CENPP: variants seen among roughly 807,000 people sequenced by gnomAD.
CENPP encodes centromere protein P.
In CENPP, 24 loss-of-function variants were observed where a neutral mutation model predicts 35.6. That is an observed-to-expected ratio of 0.67 (90% CI 0.49 to 0.95). The LOEUF (loss-of-function observed/expected upper bound fraction) is 0.95, where lower values mean the gene tolerates loss of function less well. CENPP is among the 40% of genes least tolerant of loss of function. CENPP has a pLI of 0.00. For synonymous variants in CENPP, 120 were observed against 125.5 expected (o/e 0.96, Z 0.29); for missense variants, 332 against 345.3 (o/e 0.96, Z 0.31).
chr9:92,359,976 A>G (rs1378380845), intron 4 of CENPP, among the ~76,000 whole-genome samples: 1 of 152,158 alleles, frequency 6.6e-6, no homozygotes, highest in African/African-American at 2.4e-5. Flanking sequence ...CTTTGCCTGG[A>G]TGTTGCCAGC....
At chr9:92,335,048 T>C (rs1213398682) in intron 2 of CENPP, among the ~76,000 whole-genome samples, 1 of 151,708 alleles carries the variant, frequency 6.6e-6, no homozygotes, top group Non-Finnish European at 1.5e-5. Context: ...TAGCAGGGCG[T>C]GGTGGGGCAT....
At chr9:92,433,234 C>T (rs973944554) in intron 5 of CENPP, among the ~76,000 whole-genome samples, 6 of 152,198 alleles carry the variant, frequency 3.9e-5, no homozygotes, top group African/African-American at 1.4e-4. Flanking sequence ...GATTCCACTC[C>T]TGTAATAACA....
intron 5 of CENPP, chr9:92,470,566 A>C: frequency 1.7e-6 from 1 of 590,912 alleles, no homozygotes; most frequent in Non-Finnish European, 2.7e-6. Flanking sequence ...CATTCTTTAC[A>C]GAAAAGTAAG....
Position 92,472,426 on chromosome 9 carries a change from G to A in CENPP, c.564+92567G>A, listed in dbSNP as rs1355834560. ...TATAATCCCAGCACTTTCGGAGGCCGAGTCGGGTGGATCATGAGGTCAGGA... is the reference window on the plus strand; with the variant it reads ...TATAATCCCAGCACTTTCGGAGGCCAAGTCGGGTGGATCATGAGGTCAGGA... On this transcript the variant is annotated intron_variant, in intron 5 of 7. Coordinates refer to ENST00000375587, the MANE Select transcript of CENPP (RefSeq NM_001012267.3). Among the ~76,000 whole-genome samples, 6 of 151,986 alleles carry A rather than the reference G, an allele frequency of 3.9e-5. No homozygotes were observed. The East Asian group carries it at 9.7e-4, about 25-fold the overall frequency.
At chr9:92,404,698 G>C in intron 5 of CENPP, 1 of 1,232,406 alleles carries the variant, frequency 8.1e-7, no homozygotes, top group South Asian at 1.5e-5. Context: ...GTGAAATGCA[G>C]TGTGTTGTAC....
chr9:92,411,947 T>G (rs1204074640), intron 5 of CENPP, among the ~76,000 whole-genome samples: 1 of 152,214 alleles, frequency 6.6e-6, no homozygotes, highest in Non-Finnish European at 1.5e-5. Context: ...TTTAGCATTT[T>G]ATTTCTTCCT....
chr9:92,531,042 A>G (rs1563989543), intron 5 of CENPP, among the ~76,000 whole-genome samples: 1 of 152,064 alleles, frequency 6.6e-6, no homozygotes, highest in African/African-American at 2.4e-5. Flanking sequence ...TATACTTCCT[A>G]TTAGTGGCAT....
chr9:92,392,702 G>C (rs1425274923), intron 5 of CENPP, among the ~76,000 whole-genome samples: 5 of 152,136 alleles, frequency 3.3e-5, no homozygotes, highest in Non-Finnish European at 7.4e-5. Flanking sequence ...GTTAAAGTAA[G>C]AAAAAGCACT....
At chr9:92,522,104 C>T (rs993818610) in intron 5 of CENPP, among the ~76,000 whole-genome samples, 1 of 151,632 alleles carries the variant, frequency 6.6e-6, no homozygotes, top group African/African-American at 2.4e-5. Flanking sequence ...TTTTTAATCT[C>T]GAGACGGAGT....
chr9:92,452,694 C>G (rs960914049), intron 5 of CENPP, among the ~76,000 whole-genome samples: 19 of 152,136 alleles, frequency 1.2e-4, no homozygotes, highest in African/African-American at 4.3e-4. Flanking sequence ...CTCCTTGTAG[C>G]TCTGGTAGAA....
intron 4 of CENPP, among the ~76,000 whole-genome samples, chr9:92,352,505 G>GTGTGTATATATATATATA: frequency 1.2e-4 from 6 of 49,754 alleles, no homozygotes; most frequent in Middle Eastern, 9.6e-3. Context: ...GTGTGTGTGT[G>GTGTGTATATATATATATA]TATACATATA....
chr9:92,391,737 A>T (rs1489414772), intron 5 of CENPP, among the ~76,000 whole-genome samples: 1 of 152,224 alleles, frequency 6.6e-6, no homozygotes, highest in Non-Finnish European at 1.5e-5. Context: ...GAACCAGAAG[A>T]CAGTGTTACC....
intron 5 of CENPP, among the ~76,000 whole-genome samples, chr9:92,539,932 G>T (rs946516661): frequency 8.5e-5 from 13 of 152,078 alleles, no homozygotes; most frequent in Non-Finnish European, 2.9e-5. Flanking sequence ...TTTCCAGGTT[G>T]CTTTCCAAAA....
intron 5 of CENPP, among the ~76,000 whole-genome samples, chr9:92,494,780 G>A (rs915691850): frequency 3.3e-5 from 5 of 152,004 alleles, no homozygotes; most frequent in African/African-American, 9.7e-5. Flanking sequence ...GGTGACGCAT[G>A]CCTATAGTCC....
intron 5 of CENPP, among the ~76,000 whole-genome samples, chr9:92,524,703 C>T (rs908291914): frequency 3.3e-5 from 5 of 152,146 alleles, no homozygotes; most frequent in African/African-American, 4.8e-5. Flanking sequence ...AAACTAAAAC[C>T]CCAGGGATCA....
chr9:92,511,417 G>T (rs1847333568), intron 5 of CENPP, among the ~76,000 whole-genome samples: 1 of 144,724 alleles, frequency 6.9e-6, no homozygotes, highest in South Asian at 2.1e-4. Context: ...GAGCCACTGT[G>T]CCTGGCCTGT....
chr9:92,417,572 T>G, intron 5 of CENPP: 2 of 1,499,708 alleles, frequency 1.3e-6, no homozygotes, highest in Non-Finnish European at 1.8e-6. Flanking sequence ...CTTTTTTTTT[T>G]TCCTATTGCA....
chr9:92,563,350 T>C (rs1588278280), intron 5 of CENPP, among the ~76,000 whole-genome samples: 1 of 152,194 alleles, frequency 6.6e-6, no homozygotes, highest in South Asian at 2.1e-4. Context: ...GCAGTTACCA[T>C]CTGTTTTCCC....
chr9:92,524,030 A>G (rs1301922364), intron 5 of CENPP, among the ~76,000 whole-genome samples: 1 of 152,240 alleles, frequency 6.6e-6, no homozygotes, highest in African/African-American at 2.4e-5. Flanking sequence ...TGGATCAGAC[A>G]TGGCCCCCTC....
Sources: allele counts gnomAD v4.1 joint callset (sites outside exome capture counted in the v4.1 genomes callset), GRCh38; gene constraint gnomAD v4.1.1; transcripts MANE v1.5; gene names NCBI Gene and HGNC (gene_info 2026-07-23, HGNC 2026-07-21).